FOLH1: variants seen among roughly 807,000 people sequenced by gnomAD.
FOLH1 encodes glutamate carboxypeptidase 2.
A neutral mutation model predicts 93.9 loss-of-function variants in FOLH1; 54 were observed. The observed-to-expected ratio is 0.57, with a 90% confidence interval of 0.46 to 0.72. The LOEUF (loss-of-function observed/expected upper bound fraction) is 0.72, where lower values mean the gene tolerates loss of function less well. Among genes scored for constraint, FOLH1 ranks in the 30% least tolerant of loss-of-function variants. The pLI is 0.00. For synonymous variants in FOLH1, 249 were observed against 303.6 expected (o/e 0.82, Z 1.87); for missense variants, 571 against 892.5 (o/e 0.64, Z 4.59).
chr11:49,152,099 T>G (rs1856566870), intron 17 of FOLH1, among the ~76,000 whole-genome samples: 1 of 152,164 alleles, frequency 6.6e-6, no homozygotes, highest in Admixed American at 6.5e-5. Flanking sequence ...TATCTTCTAT[T>G]ATGTTGTATT....
chr11:49,185,972 C>T, intron 5 of FOLH1, 117 bp from the exon 6 acceptor site: 1 of 1,281,764 alleles, frequency 7.8e-7, no homozygotes, highest in Middle Eastern at 2.8e-4. Flanking sequence ...AACCTTTTCT[C>T]ATTAGGCCTA....
At chr11:49,195,526 A>C in intron 3 of FOLH1, among the ~76,000 whole-genome samples, 1 of 152,062 alleles carries the variant, frequency 6.6e-6, no homozygotes, top group Non-Finnish European at 1.5e-5. Context: ...ACAGCAAAGT[A>C]AACACAAAGA....
chr11:49,198,373 TA>T (rs1862867515), intron 3 of FOLH1, among the ~76,000 whole-genome samples: 1 of 151,540 alleles, frequency 6.6e-6, no homozygotes, highest in South Asian at 2.1e-4. Context: ...TCCCAGCTAC[TA>T]GGGAGGCTGA....
intron 4 of FOLH1, 31 bp from the exon 5 acceptor site, chr11:49,186,800 T>C (rs768761870): frequency 1.9e-6 from 3 of 1,556,390 alleles, no homozygotes; most frequent in Non-Finnish European, 2.6e-6. Context: ...TTAATATGAG[T>C]CAGATATAAA....
chr11:49,194,385 T>C (rs2135269745), intron 3 of FOLH1, among the ~76,000 whole-genome samples: 1 of 152,052 alleles, frequency 6.6e-6, no homozygotes, highest in Admixed American at 6.6e-5. Flanking sequence ...GAATCAGCCT[T>C]CAAATTAGCC....
intron 3 of FOLH1, among the ~76,000 whole-genome samples, chr11:49,195,191 A>T (rs1350703170): frequency 1.3e-5 from 2 of 152,174 alleles, no homozygotes; most frequent in East Asian, 3.8e-4. Context: ...CAATTGTCAA[A>T]GGATTAGTGT....
At chr11:49,165,157 C>T (rs1319014465) in intron 12 of FOLH1, among the ~76,000 whole-genome samples, 1 of 152,158 alleles carries the variant, frequency 6.6e-6, no homozygotes, top group East Asian at 1.9e-4. Flanking sequence ...AAATAGCACT[C>T]TCTTACCCCC....
intron 2 of FOLH1, among the ~76,000 whole-genome samples, chr11:49,204,982 G>A (rs1292300479): frequency 1.3e-5 from 2 of 151,996 alleles, no homozygotes; most frequent in East Asian, 1.9e-4. Flanking sequence ...AAGCCGAGGC[G>A]GGCAGATCAC....
At chr11:49,174,051 T>C (rs1264456993) in intron 9 of FOLH1, among the ~76,000 whole-genome samples, 1 of 152,206 alleles carries the variant, frequency 6.6e-6, no homozygotes, top group African/African-American at 2.4e-5. Context: ...CTTAAGCATA[T>C]GGCTCCCTTC....
intron 6 of FOLH1, 149 bp from the exon 7 acceptor site, chr11:49,183,391 G>C: frequency 1.6e-6 from 1 of 625,580 alleles, no homozygotes; most frequent in African/African-American, 1.9e-5. Context: ...CGAGAATGCA[G>C]AGCAACTGAA....
At chr11:49,151,626 G>A (rs1856521573) in intron 17 of FOLH1, among the ~76,000 whole-genome samples, 1 of 152,160 alleles carries the variant, frequency 6.6e-6, no homozygotes, top group African/African-American at 2.4e-5. Flanking sequence ...CACTGCTCAG[G>A]TGTTTCAGAA....
chr11:49,181,053 A>G (rs375538597), intron 7 of FOLH1, among the ~76,000 whole-genome samples: 1 of 152,094 alleles, frequency 6.6e-6, no homozygotes, highest in Non-Finnish European at 1.5e-5. Flanking sequence ...TAATTCCATA[A>G]TATTATGCAT....
rs1345594074 is a variant in FOLH1 at position 49,196,693 on chromosome 11, T to C, written c.411+3562A>G. Among the ~76,000 whole-genome samples, 4 of 152,178 alleles carry C rather than the reference T, an allele frequency of 2.6e-5. No homozygotes were observed. The East Asian group carries it at 5.8e-4, about 22-fold the overall frequency. ...TCATCTTAAAGAAAAATGTGTTTAA[T>C]ATAAATCCATACAGCAAAAAATTTT... On this transcript the variant is annotated intron_variant, in intron 3 of 18. Coordinates refer to ENST00000256999, the MANE Select transcript of FOLH1 (RefSeq NM_004476.3).
chr11:49,207,522 C>T (rs1864112121), intron 1 of FOLH1, among the ~76,000 whole-genome samples: 1 of 152,042 alleles, frequency 6.6e-6, no homozygotes, highest in South Asian at 2.1e-4. Context: ...TTAGACTAGT[C>T]CTGTGTATTA....
intron 12 of FOLH1, among the ~76,000 whole-genome samples, chr11:49,166,031 A>C (rs569843436): frequency 1.6e-4 from 25 of 152,302 alleles, no homozygotes; most frequent in Admixed American, 3.9e-4. Flanking sequence ...CAAATAAAAT[A>C]ATATTAACCA....
intron 4 of FOLH1, among the ~76,000 whole-genome samples, chr11:49,190,196 A>AGGGAAACT (rs1313590186): frequency 6.6e-6 from 1 of 152,186 alleles, no homozygotes; most frequent in Non-Finnish European, 1.5e-5. Flanking sequence ...ATGTCTCTAA[A>AGGGAAACT]TGTGGCTGTC....
At chr11:49,181,729 A>G (rs1860760017) in intron 7 of FOLH1, among the ~76,000 whole-genome samples, 2 of 152,152 alleles carry the variant, frequency 1.3e-5, no homozygotes, top group Non-Finnish European at 2.9e-5. Context: ...CTATGGTGCT[A>G]TCAAAAGTTG....
At chr11:49,201,384 C>T (rs10839238) in intron 2 of FOLH1, among the ~76,000 whole-genome samples, 11,336 of 150,466 alleles carry the variant, frequency 0.075, 1,222 homozygotes, top group African/African-American at 0.24. Context: ...TAATAACCAA[C>T]ATGACTATGA....
intron 2 of FOLH1, 49 bp downstream of exon 2, chr11:49,206,018 T>TA (rs1565222817): frequency 6.4e-7 from 1 of 1,560,434 alleles, no homozygotes; most frequent in Non-Finnish European, 8.7e-7. Context: ...AACAGAATGA[T>TA]AAATTTTTCT....
Sources: gnomAD v4.1 joint callset for allele counts (sites outside exome capture counted in the v4.1 genomes callset) on GRCh38, gnomAD v4.1.1 for gene constraint, MANE v1.5 for transcripts, NCBI Gene and HGNC (gene_info 2026-07-23, HGNC 2026-07-21) for gene names.